HS3ST4: variants seen among roughly 807,000 people sequenced by gnomAD.
HS3ST4 encodes heparan sulfate-glucosamine 3-sulfotransferase 4.
HS3ST4 carries 17 observed loss-of-function variants against 29.2 expected under a neutral mutation model. That is an observed-to-expected ratio of 0.58 (90% confidence interval 0.40 to 0.87). The LOEUF (loss-of-function observed/expected upper bound fraction) is 0.87. HS3ST4 is among the 40% of genes least tolerant of loss of function. HS3ST4 has a pLI of 0.00. For synonymous variants in HS3ST4, 314 were observed against 285.7 expected, an observed-to-expected ratio of 1.10 and a Z score of -1.00; for missense variants, 627 against 634.5, an observed-to-expected ratio of 0.99 and a Z score of 0.13.
intron 1 of HS3ST4, among the ~76,000 whole-genome samples, chr16:26,118,522 A>G (rs995311567): frequency 1.3e-5 from 2 of 152,222 alleles, no homozygotes; most frequent in African/African-American, 4.8e-5. Context: ...GCCACTAGCC[A>G]TTCGTAACTA....
chr16:25,977,612 T>C (rs1968956472), intron 1 of HS3ST4, among the ~76,000 whole-genome samples: 1 of 152,238 alleles, frequency 6.6e-6, no homozygotes, highest in South Asian at 2.1e-4. Context: ...GAACTTGCCC[T>C]TGAATGATTT....
rs559620346 is a variant in HS3ST4, at chr16:25,980,384, T to C, written c.735-155228T>C. Among the ~76,000 whole-genome samples the C allele has an allele frequency of 4.6e-4, 70 of 152,288 alleles. 2 individuals carry two copies. In the South Asian group the frequency reaches 0.012, roughly 26 times the overall value. ...TGGATGTCATTTCAGCTGGGAAACT[T>C]TCTCTCACACTCTTTTTCCCTCTAA... On this transcript the variant is annotated intron_variant, in intron 1 of 1. Transcript: ENST00000331351.
At position 25,961,506 on chromosome 16, in the gene HS3ST4, T is replaced by A. The variant is rs553833509; in HGVS notation, c.735-174106T>A. Among the ~76,000 whole-genome samples the A allele has an allele frequency of 7.9e-5, 12 of 152,340 alleles. No homozygotes were observed. The South Asian group carries it at 1.4e-3, about 18-fold the overall frequency. On this transcript the variant is annotated intron_variant, in intron 1 of 1. Coordinates refer to ENST00000331351, the MANE Select transcript of HS3ST4 (RefSeq NM_006040.3). ...TATTGAGCACTTACTTGGTGCCCTA[T>A]CTCTTGCCAGACAATGGGCCTATGA... is the stretch of plus-strand genomic sequence containing the variant.
At chr16:26,112,400 T>TTTTTG (rs71158988) in intron 1 of HS3ST4, among the ~76,000 whole-genome samples, 1 of 135,454 alleles carries the variant, frequency 7.4e-6, no homozygotes, top group Non-Finnish European at 1.6e-5. Context: ...TTTTTTTTTT[T>TTTTTG]GAGACGGAAT....
At chr16:26,079,874 G>A (rs1004068673) in intron 1 of HS3ST4, among the ~76,000 whole-genome samples, 1 of 152,190 alleles carries the variant, frequency 6.6e-6, no homozygotes, top group Non-Finnish European at 1.5e-5. Context: ...AACATGGATA[G>A]TAATGGGATC....
intron 1 of HS3ST4, among the ~76,000 whole-genome samples, chr16:25,741,118 A>G (rs1029636242): frequency 1.3e-5 from 2 of 151,898 alleles, no homozygotes; most frequent in Middle Eastern, 3.2e-3. Context: ...TACTTGTCTT[A>G]TTTCCTTCCC....
rs923589428 is a variant in HS3ST4, at chr16:26,122,636, A to G, written c.735-12976A>G. ...TTCACTAGGATATATGCCACACTGAAGCTGTTCGGTACTCTATGACTGGGT... is the reference window on the plus strand; with the variant it reads ...TTCACTAGGATATATGCCACACTGAGGCTGTTCGGTACTCTATGACTGGGT... On this transcript the variant is annotated intron_variant, in intron 1 of 1. Transcript: ENST00000331351. Among the ~76,000 whole-genome samples, 6 of 152,316 alleles carry G rather than the reference A, an allele frequency of 3.9e-5. No individual in the cohort carries two copies. The South Asian group carries it at 1.2e-3, about 32-fold the overall frequency.
rs534591316 is a variant in HS3ST4, at chr16:26,090,376, T to G, written c.735-45236T>G. ...ACTAATCATTGAGCTGTTGTCCACG[T>G]TGGCCCAGATTACCCAAGGTACATG... On this transcript the variant is annotated intron_variant, in intron 1 of 1. Transcript: ENST00000331351. 1.1e-4 allele frequency among the ~76,000 whole-genome samples: 16 copies of G among 152,182 alleles called. No individual in the cohort carries two copies. In the Middle Eastern group the frequency reaches 0.01, roughly 97 times the overall value.
intron 1 of HS3ST4, among the ~76,000 whole-genome samples, chr16:25,987,485 C>T (rs1461076006): frequency 6.6e-6 from 1 of 152,150 alleles, no homozygotes; most frequent in Non-Finnish European, 1.5e-5. Context: ...AATTGAATTC[C>T]AAAACGGATA....
chr16:26,076,841 T>G (rs1026072925), intron 1 of HS3ST4, among the ~76,000 whole-genome samples: 5 of 152,224 alleles, frequency 3.3e-5, no homozygotes, highest in Non-Finnish European at 5.9e-5. Context: ...GCACATTTTC[T>G]TTCAGCCACA....
chr16:25,693,538 G>A (rs553338590), intron 1 of HS3ST4, among the ~76,000 whole-genome samples: 13 of 152,162 alleles, frequency 8.5e-5, no homozygotes, highest in Non-Finnish European at 1.5e-4. Flanking sequence ...GAGACAGGAT[G>A]GCTAAATTGA....
intron 1 of HS3ST4, among the ~76,000 whole-genome samples, chr16:26,034,819 TAAGTA>T (rs1567298684): frequency 6.6e-6 from 1 of 151,780 alleles, no homozygotes; most frequent in Non-Finnish European, 1.5e-5. Flanking sequence ...CATAAATAAA[TAAGTA>T]AATAAATAAT....
chr16:25,695,844 C>T (rs1020151173), intron 1 of HS3ST4, among the ~76,000 whole-genome samples: 18 of 152,164 alleles, frequency 1.2e-4, no homozygotes, highest in Non-Finnish European at 2.1e-4. Flanking sequence ...TTTAAATGTG[C>T]TTCCAGTAGC....
chr16:25,887,009 G>T (rs747545241), intron 1 of HS3ST4: 2 of 152,234 alleles, frequency 1.3e-5, no homozygotes. Context: ...TTTGGAGTGG[G>T]TGGAAGGGGT....
chr16:25,805,939 A>T (rs916034602), intron 1 of HS3ST4, among the ~76,000 whole-genome samples: 2 of 152,110 alleles, frequency 1.3e-5, no homozygotes, highest in African/African-American at 4.8e-5. Context: ...CCCACTTATA[A>T]GTGAGAACAT....
chr16:25,740,298 A>G (rs1966643603), intron 1 of HS3ST4, among the ~76,000 whole-genome samples: 1 of 152,208 alleles, frequency 6.6e-6, no homozygotes. Context: ...AGGGAGAAAA[A>G]AGTCAAAAAT....
chr16:26,085,890 A>T (rs1267761712), intron 1 of HS3ST4, among the ~76,000 whole-genome samples: 1 of 44,792 alleles, frequency 2.2e-5, no homozygotes, highest in Non-Finnish European at 5.5e-5. Context: ...TAATAATAAT[A>T]ATAATAATAA....
At chr16:25,992,946 A>G (rs1217741070) in intron 1 of HS3ST4, among the ~76,000 whole-genome samples, 1 of 152,178 alleles carries the variant, frequency 6.6e-6, no homozygotes, top group Non-Finnish European at 1.5e-5. Flanking sequence ...CTCTGTGCAC[A>G]GCTCTGCCTT....
chr16:25,998,715 G>C (rs1969178106), intron 1 of HS3ST4, among the ~76,000 whole-genome samples: 1 of 151,860 alleles, frequency 6.6e-6, no homozygotes, highest in Non-Finnish European at 1.5e-5. Context: ...TTCTGCATTT[G>C]ATGAATTCAT....
Sources: gnomAD v4.1 joint callset for allele counts (sites outside exome capture counted in the v4.1 genomes callset) on GRCh38, gnomAD v4.1.1 for gene constraint, MANE v1.5 for transcripts, NCBI Gene and HGNC (gene_info 2026-07-23, HGNC 2026-07-21) for gene names.